The following IQCE variants were observed in gnomAD, a reference collection of about 807,000 sequenced individuals.
IQCE encodes IQ motif containing E.
A neutral mutation model predicts 96.0 loss-of-function variants in IQCE; 115 were observed. That is an observed-to-expected ratio of 1.20 (90% CI 1.03 to 1.40). IQCE has a LOEUF of 1.40. Among genes scored for constraint, IQCE ranks in the 40% most tolerant of loss-of-function variants. The pLI is 0.00. For missense variants in IQCE, 1,041 were observed against 909.1 expected, an observed-to-expected ratio of 1.15 and a Z score of -1.87; for synonymous variants, 412 against 371.2, an observed-to-expected ratio of 1.11 and a Z score of -1.26.
rs1193648945 is a variant in IQCE, at chr7:2,604,980, C to A, written c.1732C>A (p.Leu578Ile). Residue 578 changes from leucine (L) to isoleucine (I), a missense_variant, in exon 19 of 22, where the codon CTC becomes ATC. Physicochemically the swap from Leu to Ile is conservative, Grantham distance 5 (BLOSUM62 2). Transcript: ENST00000402050. ...HGSEPPSVPG[L>I]PDQSSPVPRV... Reference sequence around the variant, plus strand: ...CTCAGAGCCACCCAGCGTGCCAGGCCTCCCAGACCAGGTAATGTCGGGGTG... The same window carrying A: ...CTCAGAGCCACCCAGCGTGCCAGGCATCCCAGACCAGGTAATGTCGGGGTG... 1 of 1,612,210 alleles carries A rather than the reference C, an allele frequency of 6.2e-7. No homozygotes were observed. The highest frequency in any genetic ancestry group is 1.7e-5 in the Admixed American group (1 of 59,994).
chr7:2,569,153 G>A (rs553778988), intron 3 of IQCE, among the ~76,000 whole-genome samples, 154 bp downstream of exon 3: 1 of 152,242 alleles, frequency 6.6e-6, no homozygotes, highest in East Asian at 1.9e-4. Context: ...GTTCGCGCTG[G>A]AGTCTCCCCC....
Position 2,598,649 on chromosome 7 carries a change from C to A in IQCE, c.1608+17C>A, listed in dbSNP as rs772578410. 6.7e-7 allele frequency: 1 copy of A among 1,502,128 alleles called. No individual in the cohort carries two copies. The highest frequency in any genetic ancestry group is 8.9e-7 in the Non-Finnish European group (1 of 1,124,440). The allele number at this position is 1,502,128 out of a possible 1,614,324, so 93.0% of individuals were successfully genotyped here. On this transcript the variant is annotated intron_variant, in intron 17 of 21. Transcript: ENST00000402050. ...AAGCACAAGGTGAGGCTCCCCGGGGCGACCCGGGCTGCTCCCTGTGAGTCT... is the reference window on the plus strand; with the variant it reads ...AAGCACAAGGTGAGGCTCCCCGGGGAGACCCGGGCTGCTCCCTGTGAGTCT...
Position 2,573,488 on chromosome 7 carries a change from G to A in IQCE, c.465G>A (p.Lys155=), listed in dbSNP as rs1465444878. 2 of 1,510,252 alleles carry A rather than the reference G, an allele frequency of 1.3e-6. No individual in the cohort carries two copies. The highest frequency in any genetic ancestry group is 1.8e-6 in the Non-Finnish European group (2 of 1,086,776). The allele number at this position is 1,510,252 out of a possible 1,614,324, so 93.6% of individuals were successfully genotyped here. ...ATGACGAGATTATTGAGTTAAAGAAGGTAGTATTTCGGTTTGTTCTCTATT... is the reference window on the plus strand; with the variant it reads ...ATGACGAGATTATTGAGTTAAAGAAAGTAGTATTTCGGTTTGTTCTCTATT... The part of the protein sequence containing the change: ...DMYDEIIELK[K]SLHVQKSDVD... The change falls in exon 6 of 22, where the codon AAG becomes AAA. Residue 155 remains lysine (K), a splice_region_variant and synonymous_variant. Transcript: ENST00000402050.
Position 2,601,434 on chromosome 7 carries a change from T to C in IQCE, c.1609-7T>C, listed in dbSNP as rs1784423899. 1.3e-6 allele frequency: 2 copies of C among 1,533,886 alleles called. No individual in the cohort carries two copies. The highest frequency in any genetic ancestry group is 1.8e-6 in the Non-Finnish European group (2 of 1,120,678). On this transcript the variant is annotated splice_polypyrimidine_tract_variant and splice_region_variant and intron_variant, in intron 17 of 21. Transcript: ENST00000402050. ...CATGTATTTTTTCTTTCTTTTTTTT[T>C]TTCCAGAAAAAAAAGGCTGTTCTGG...
intron 13 of IQCE, among the ~76,000 whole-genome samples, chr7:2,588,473 C>T (rs1254771661): frequency 6.6e-6 from 1 of 151,288 alleles, no homozygotes; most frequent in Admixed American, 6.6e-5. Context: ...CCTCCCTCAA[C>T]CTCCCCAGTA....
intron 16 of IQCE, 94 bp downstream of exon 16, chr7:2,595,070 C>G: frequency 1.2e-6 from 1 of 846,092 alleles, no homozygotes; most frequent in Non-Finnish European, 2.0e-6. Context: ...TTTTTTCTGA[C>G]CAGCCACTGA....
At chr7:2,596,081 G>T (rs944287560) in intron 16 of IQCE, among the ~76,000 whole-genome samples, 5 of 152,212 alleles carry the variant, frequency 3.3e-5, no homozygotes, top group Non-Finnish European at 7.3e-5. Context: ...CCATCCTGAG[G>T]CTGCAGTTTG....
At chr7:2,598,998 A>C (rs1784255131) in intron 17 of IQCE, among the ~76,000 whole-genome samples, 1 of 151,998 alleles carries the variant, frequency 6.6e-6, no homozygotes, top group South Asian at 2.1e-4. Flanking sequence ...TCCTCACCTA[A>C]CGGCCCTTCC....
Position 2,614,533 on chromosome 7 carries a change from T to A in IQCE, c.*4371T>A, listed in dbSNP as rs1438728575. 3 of 152,244 alleles carry A rather than the reference T, an allele frequency of 2.0e-5. No homozygotes were observed. Among genetic ancestry groups the A allele is most frequent in the Non-Finnish European group, 4.4e-5 (3 of 68,062 alleles). The allele number at this position is 152,244 out of a possible 1,614,324, so 9.4% of individuals were successfully genotyped here. The stretch of plus-strand genomic sequence containing the variant: ...AGCAACAGAAATGACGTCTGGAAGC[T>A]GAAATGTGAAACTGTCAAGATGGCT... On this transcript the variant is annotated 3_prime_UTR_variant, in exon 22 of 22. Coordinates refer to ENST00000402050, the MANE Select transcript of IQCE (RefSeq NM_152558.5).
At chr7:2,586,181 C>T in intron 11 of IQCE, 27 bp from the exon 12 acceptor site, 9 of 1,603,370 alleles carry the variant, frequency 5.6e-6, no homozygotes, top group Non-Finnish European at 7.7e-6. Context: ...GCAATGCAAA[C>T]CTCAGTCCAC....
At chr7:2,598,729 A>C in intron 17 of IQCE, 97 bp downstream of exon 17, 4 of 1,112,220 alleles carry the variant, frequency 3.6e-6, no homozygotes, top group Non-Finnish European at 4.8e-6. Flanking sequence ...CTGGAGGGCC[A>C]GCCAGGCCCC....
At chr7:2,582,506 T>C in intron 8 of IQCE, 74 bp from the exon 9 acceptor site, 1 of 1,259,892 alleles carries the variant, frequency 7.9e-7, no homozygotes, top group Non-Finnish European at 1.2e-6. Context: ...GCCGGTGCTC[T>C]GGCAGGAGGG....
intron 1 of IQCE, among the ~76,000 whole-genome samples, chr7:2,560,634 A>G (rs1016891628): frequency 6.6e-6 from 1 of 152,082 alleles, no homozygotes; most frequent in African/African-American, 2.4e-5. Flanking sequence ...TAATTTATGT[A>G]TATTATTTAT....
chr7:2,578,775 A>C (rs1294823809), intron 8 of IQCE, among the ~76,000 whole-genome samples: 1 of 152,066 alleles, frequency 6.6e-6, no homozygotes, highest in Admixed American at 6.5e-5. Context: ...TCCCCCTCAC[A>C]CCTGAGAAAA....
At chr7:2,583,838 TGGGC>T (rs1782875545) in intron 10 of IQCE, 129 bp downstream of exon 10, 1 of 72,308 alleles carries the variant, frequency 1.4e-5, no homozygotes, top group African/African-American at 5.6e-5. Context: ...GGCACCGAGC[TGGGC>T]GGCGGGGCGG....
intron 17 of IQCE, among the ~76,000 whole-genome samples, chr7:2,600,286 C>T (rs964081861): frequency 1.3e-5 from 2 of 152,208 alleles, no homozygotes; most frequent in South Asian, 2.1e-4. Context: ...GAATGTCTCA[C>T]GTCGAGGCTG....
In IQCE at chr7:2,601,425, C is replaced by CTTTT; in HGVS notation, c.1609-8_1609-5dup. On this transcript the variant is annotated splice_polypyrimidine_tract_variant and intron_variant, in intron 17 of 21. Transcript: ENST00000402050. ...GTGTTAATTCATGTATTTTTTCTTT[C>CTTTT]TTTTTTTTTTTCCAGAAAAAAAAGG... is the stretch of plus-strand genomic sequence containing the variant. 2 of 1,229,382 alleles carry CTTTT rather than the reference C, an allele frequency of 1.6e-6. No homozygotes were observed. The highest frequency in any genetic ancestry group is 2.2e-6 in the Non-Finnish European group (2 of 894,254). 76.2% of individuals were successfully genotyped at this position (1,229,382 alleles called of 1,614,324 possible). A position where few individuals can be genotyped will look rare whatever the true frequency, so the allele number is the denominator to read the frequency against.
intron 1 of IQCE, chr7:2,566,502 C>T (rs1781387789): frequency 6.7e-6 from 1 of 149,090 alleles, no homozygotes; most frequent in Non-Finnish European, 1.5e-5. Flanking sequence ...CTCTGTTGCC[C>T]AGGCTGGAGT....
chr7:2,587,784 A>C (rs1783237407), intron 12 of IQCE, 38 bp from the exon 13 acceptor site: 1 of 1,609,612 alleles, frequency 6.2e-7, no homozygotes, highest in Non-Finnish European at 8.5e-7. Context: ...GGCAGTGCCC[A>C]CCAGGATGCC....
Sources: gnomAD v4.1 joint callset for allele counts (sites outside exome capture counted in the v4.1 genomes callset) on GRCh38, gnomAD v4.1.1 for gene constraint, MANE v1.5 for transcripts, NCBI Gene and HGNC (gene_info 2026-07-23, HGNC 2026-07-21) for gene names.